The following FIG4 variants were observed in gnomAD, a reference collection of about 807,000 sequenced individuals.
FIG4 encodes polyphosphoinositide phosphatase.
Under a neutral mutation model 118.6 loss-of-function variants are expected in FIG4, and 112 were observed. That is an observed-to-expected ratio of 0.94 (90% CI 0.81 to 1.11). FIG4 has a LOEUF of 1.11. FIG4 is among the 50% of genes least tolerant of loss of function. FIG4 has a pLI of 0.00. For missense variants in FIG4, 969 were observed against 1,111.7 expected (o/e 0.87, Z 1.83); for synonymous variants, 369 against 381.2 (o/e 0.97, Z 0.37).
At chr6:109,742,715 C>A (rs1235304120) in intron 8 of FIG4, among the ~76,000 whole-genome samples, 1 of 152,038 alleles carries the variant, frequency 6.6e-6, no homozygotes, top group Non-Finnish European at 1.5e-5. Context: ...TTATTTGAAT[C>A]TCACTCCTTT....
intron 22 of FIG4, among the ~76,000 whole-genome samples, chr6:109,807,371 C>CT (rs1021722203): frequency 6.6e-6 from 1 of 152,092 alleles, no homozygotes; most frequent in Admixed American, 6.5e-5. Context: ...TGATGATGAG[C>CT]TTTTTTAATA....
At chr6:109,801,467 G>C (rs1029303743) in intron 22 of FIG4, among the ~76,000 whole-genome samples, 3 of 152,152 alleles carry the variant, frequency 2.0e-5, no homozygotes, top group Non-Finnish European at 2.9e-5. Context: ...AGAATTGCCT[G>C]AACCCAGGAG....
rs1583655308 is a variant in FIG4 at position 109,727,261 on chromosome 6, G to A, written c.442G>A (p.Ala148Thr). 6 of 1,609,170 alleles carry A rather than the reference G, an allele frequency of 3.7e-6. No individual in the cohort carries two copies. The highest frequency in any genetic ancestry group is 2.2e-5 in the East Asian group (1 of 44,676). Residue 148 changes from alanine (A) to threonine (T), a missense_variant, in exon 4 of 23, where the codon GCT becomes ACT. By Grantham distance (58) the Ala-to-Thr change is moderately conservative (BLOSUM62 0). Transcript: ENST00000230124. ...TGTACGGGTTACTCATCCTGATGAA[G>A]CTAGGTATGTATGGTGGTAACTACC... ...DSVRVTHPDE[A>T]RYLRIFQNVD...
Position 109,735,312 on chromosome 6 carries a change from A to T in FIG4, c.646+14A>T, listed in dbSNP as rs542449142. ...AAGGTGGAAGCGGTAGGTGGTCTTG[A>T]TATATCTAATGTATATTAATGTGGT... On this transcript the variant is annotated intron_variant, in intron 6 of 22. Coordinates refer to ENST00000230124, the MANE Select transcript of FIG4 (RefSeq NM_014845.6). The T allele has an allele frequency of 1.9e-6, 3 of 1,603,334 alleles. No individual in the cohort carries two copies. In the South Asian group the frequency reaches 3.3e-5, roughly 18 times the overall value.
intron 15 of FIG4, among the ~76,000 whole-genome samples, chr6:109,770,009 G>T (rs549241193): frequency 1.3e-5 from 2 of 152,234 alleles, no homozygotes; most frequent in South Asian, 4.2e-4. Flanking sequence ...GATGCTATGG[G>T]GTCAACTCAC....
intron 1 of FIG4, among the ~76,000 whole-genome samples, chr6:109,700,312 GAT>G (rs1263031481): frequency 1.3e-5 from 2 of 152,100 alleles, no homozygotes; most frequent in Non-Finnish European, 2.9e-5. Context: ...CTGAACAACA[GAT>G]AAAGCAGTAT....
chr6:109,732,238 T>TA (rs1372545600), intron 4 of FIG4, among the ~76,000 whole-genome samples: 1 of 152,258 alleles, frequency 6.6e-6, no homozygotes, highest in Non-Finnish European at 1.5e-5. Context: ...TGTAAAAACT[T>TA]ACCAACTTAA....
At chr6:109,695,601 G>GACACACACACACACACAC (rs202167631) in intron 1 of FIG4, among the ~76,000 whole-genome samples, 2,627 of 99,266 alleles carry the variant, frequency 0.026, 64 homozygotes, top group East Asian at 0.12. Flanking sequence ...CACACACACA[G>GACACACACACACACACAC]ACACACACAC....
At chr6:109,814,115 GGCACACAAATTCAGTC>G (rs1778794049) in intron 22 of FIG4, among the ~76,000 whole-genome samples, 1 of 151,982 alleles carries the variant, frequency 6.6e-6, no homozygotes, top group African/African-American at 2.4e-5. Flanking sequence ...TCCTACCATG[GGCACACAAATTCAGTC>G]TGTGCCATTA....
At chr6:109,780,670 G>T (rs187203795) in intron 16 of FIG4, among the ~76,000 whole-genome samples, 3 of 152,036 alleles carry the variant, frequency 2.0e-5, no homozygotes, top group African/African-American at 7.3e-5. Flanking sequence ...GAAATTTGTG[G>T]CATGCTGTAT....
chr6:109,760,118 A>T, intron 10 of FIG4, 132 bp from the exon 11 acceptor site: 1 of 701,094 alleles, frequency 1.4e-6, no homozygotes, highest in Non-Finnish European at 2.5e-6. Flanking sequence ...TGATTATTGT[A>T]GCTAGGTTTC....
intron 16 of FIG4, among the ~76,000 whole-genome samples, chr6:109,778,403 G>T (rs930908712): frequency 1.3e-5 from 2 of 151,126 alleles, no homozygotes; most frequent in East Asian, 4.0e-4. Flanking sequence ...CCAGGAGGCA[G>T]AGGTTGTCAT....
chr6:109,800,248 T>TGG (rs1562691640), intron 22 of FIG4, among the ~76,000 whole-genome samples: 1 of 152,222 alleles, frequency 6.6e-6, no homozygotes. Context: ...AGCAATGCTT[T>TGG]ATTATTAGCA....
At chr6:109,695,225 G>A (rs577163047) in intron 1 of FIG4, among the ~76,000 whole-genome samples, 11 of 152,326 alleles carry the variant, frequency 7.2e-5, no homozygotes, top group African/African-American at 1.4e-4. Flanking sequence ...ACAAAGAACC[G>A]AGGGTCCTGG....
chr6:109,699,235 G>A (rs2128377913), intron 1 of FIG4, among the ~76,000 whole-genome samples: 1 of 152,166 alleles, frequency 6.6e-6, no homozygotes, highest in East Asian at 1.9e-4. Flanking sequence ...TTTTATCTTA[G>A]TTGTTGAATT....
chr6:109,796,820 T>A lies in FIG4; in HGVS notation c.2515T>A (p.Cys839Ser). The A allele has an allele frequency of 6.2e-7, 1 of 1,609,734 alleles. No individual in the cohort carries two copies. The stretch of plus-strand genomic sequence containing the variant: ...ACAAGACAAGAATAGCCAGCAGCCC[T>A]GTTCTAGGTGCTCAGATGGAGTTAT... ...HKQDKNSQQP[C>S]SRCSDGVIKL... is the part of the protein sequence containing the mutation. The change falls in exon 22 of 23, where the codon TGT (cysteine) becomes AGT (serine). Residue 839 changes from cysteine (C) to serine (S), a missense_variant. Coordinates refer to ENST00000230124, the MANE Select transcript of FIG4 (RefSeq NM_014845.6).
chr6:109,770,690 G>T (rs1777431204), intron 15 of FIG4, among the ~76,000 whole-genome samples: 1 of 152,000 alleles, frequency 6.6e-6, no homozygotes, highest in African/African-American at 2.4e-5. Flanking sequence ...CATGGCAAGG[G>T]GTGAGGGGAA....
chr6:109,743,413 C>T (rs1001289557), intron 9 of FIG4, 141 bp downstream of exon 9: 34 of 777,684 alleles, frequency 4.4e-5, no homozygotes, highest in African/African-American at 7.0e-5. Flanking sequence ...GAGGAATTTC[C>T]GTTATTCTTA....
chr6:109,739,045 T>C (rs1229195915), intron 7 of FIG4, among the ~76,000 whole-genome samples: 2 of 152,134 alleles, frequency 1.3e-5, no homozygotes, highest in Admixed American at 6.6e-5. Flanking sequence ...TGAAAGGTTT[T>C]GTGCAGAAGA....
Sources: allele counts gnomAD v4.1 joint callset (sites outside exome capture counted in the v4.1 genomes callset), GRCh38; gene constraint gnomAD v4.1.1; transcripts MANE v1.5; gene names NCBI Gene and HGNC (gene_info 2026-07-23, HGNC 2026-07-21).